ENPEP: variants seen among roughly 807,000 people sequenced by gnomAD.
ENPEP encodes the protein glutamyl aminopeptidase, also known as AP-A.
Under a neutral mutation model 114.5 loss-of-function variants are expected in ENPEP, and 103 were observed. The observed-to-expected ratio is 0.90, with a 90% confidence interval of 0.77 to 1.06. The LOEUF (loss-of-function observed/expected upper bound fraction) is 1.06, where lower values mean the gene tolerates loss of function less well. ENPEP is among the 50% of genes least tolerant of loss of function. ENPEP has a pLI of 0.00. For missense variants in ENPEP, 1,196 were observed against 1,161.3 expected (o/e 1.03, Z -0.43); for synonymous variants, 420 against 422.0 (o/e 1.00, Z 0.06).
intron 8 of ENPEP, among the ~76,000 whole-genome samples, chr4:110,519,792 GA>G (rs1005208836): frequency 7.9e-5 from 12 of 151,812 alleles, no homozygotes; most frequent in Non-Finnish European, 1.3e-4. Context: ...TTAAATAGTT[GA>G]AAAAAATCAA....
chr4:110,541,244 T>C (rs771933589), intron 11 of ENPEP, among the ~76,000 whole-genome samples: 4 of 152,088 alleles, frequency 2.6e-5, no homozygotes, highest in Non-Finnish European at 5.9e-5. Context: ...ACTCATATAT[T>C]ATGAAAAACT....
intron 1 of ENPEP, among the ~76,000 whole-genome samples, chr4:110,481,046 A>G (rs962144770): frequency 7.2e-5 from 11 of 152,096 alleles, no homozygotes; most frequent in Admixed American, 7.2e-4. Flanking sequence ...TCTCTCCAAG[A>G]TTTGGCTTTT....
At chr4:110,513,772 T>C (rs757820149) in intron 7 of ENPEP, among the ~76,000 whole-genome samples, 1 of 152,304 alleles carries the variant, frequency 6.6e-6, no homozygotes, top group South Asian at 2.1e-4. Context: ...GAATTTCTCT[T>C]TACACATTTG....
intron 13 of ENPEP, among the ~76,000 whole-genome samples, chr4:110,544,299 T>A (rs74411670): frequency 0.023 from 3,497 of 152,130 alleles, 75 homozygotes; most frequent in East Asian, 0.083. Context: ...CTTAAAAGAT[T>A]ATCTGGCATG....
At chr4:110,512,850 A>T (rs1435932327) in intron 6 of ENPEP, 1 of 152,242 alleles carries the variant, frequency 6.6e-6, no homozygotes, top group Non-Finnish European at 1.5e-5. Flanking sequence ...TGAACCAAGG[A>T]AATCTGACAG....
intron 1 of ENPEP, among the ~76,000 whole-genome samples, chr4:110,479,248 T>G (rs1270705763): frequency 1.3e-5 from 2 of 152,174 alleles, no homozygotes; most frequent in Non-Finnish European, 2.9e-5. Flanking sequence ...CCACAAATGA[T>G]TCGATGGATA....
intron 11 of ENPEP, among the ~76,000 whole-genome samples, chr4:110,537,628 A>G (rs1726687448): frequency 2.6e-5 from 4 of 152,150 alleles, no homozygotes; most frequent in Admixed American, 2.6e-4. Flanking sequence ...TGATATTTTG[A>G]CCTCCTCTTA....
At chr4:110,497,047 T>A (rs1724969512) in intron 3 of ENPEP, among the ~76,000 whole-genome samples, 1 of 152,210 alleles carries the variant, frequency 6.6e-6, no homozygotes, top group Non-Finnish European at 1.5e-5. Context: ...ACCACAGTGA[T>A]TAATAAATAT....
At chr4:110,539,640 T>C (rs1011820167) in intron 11 of ENPEP, among the ~76,000 whole-genome samples, 1 of 152,146 alleles carries the variant, frequency 6.6e-6, no homozygotes, top group African/African-American at 2.4e-5. Flanking sequence ...TCCTCCTATC[T>C]TGGCCTCCCA....
At chr4:110,503,454 A>G (rs974399762) in intron 3 of ENPEP, among the ~76,000 whole-genome samples, 5 of 152,050 alleles carry the variant, frequency 3.3e-5, no homozygotes, top group Middle Eastern at 3.2e-3. Flanking sequence ...TGTAATCCTT[A>G]GTTTCCTTGG....
intron 1 of ENPEP, 85 bp from the exon 2 acceptor site, chr4:110,488,456 A>G: frequency 1.4e-6 from 2 of 1,396,008 alleles, no homozygotes; most frequent in Non-Finnish European, 1.9e-6. Flanking sequence ...TGCATAGCTG[A>G]TTTTTTTTTC....
Position 110,513,531 on chromosome 4 carries a change from T to C in ENPEP, c.1425T>C (p.Asp475=). The change falls in exon 7 of 20, where the codon GAT becomes GAC. Residue 475 remains aspartate (D), a synonymous_variant. Coordinates refer to ENST00000265162, the MANE Select transcript of ENPEP (RefSeq NM_001977.4). ...TTPDEITSVF[D]GISYSKGSSI... ...CTGATGAAATAACATCTGTTTTTGA[T>C]GGAATATCCTATAGCAAGGTGGGAG... The C allele has an allele frequency of 1.2e-6, 2 of 1,613,130 alleles. No individual in the cohort carries two copies. Among genetic ancestry groups the C allele is most frequent in the South Asian group, 1.1e-5 (1 of 90,944 alleles).
chr4:110,492,714 G>A (rs957726712), intron 3 of ENPEP, among the ~76,000 whole-genome samples: 1 of 152,180 alleles, frequency 6.6e-6, no homozygotes, highest in African/African-American at 2.4e-5. Flanking sequence ...GAAATAGGAA[G>A]TTGTTTTTTC....
At chr4:110,514,465 C>T (rs1341385394) in intron 7 of ENPEP, among the ~76,000 whole-genome samples, 1 of 151,860 alleles carries the variant, frequency 6.6e-6, no homozygotes, top group African/African-American at 2.4e-5. Flanking sequence ...ATGAATGATT[C>T]CTTTTATCTT....
intron 18 of ENPEP, among the ~76,000 whole-genome samples, chr4:110,558,047 TGTATAAAACTC>T (rs1560572409): frequency 1.0e-4 from 15 of 146,736 alleles, no homozygotes; most frequent in East Asian, 2.0e-4. Flanking sequence ...TTTTTTTTTT[TGTATAAAACTC>T]TTTTGTTACC....
In ENPEP at chr4:110,523,736, AAAAG is replaced by A. The variant is rs67426170; in HGVS notation, c.1727+3371_1727+3374del. 7.4e-3 allele frequency among the ~76,000 whole-genome samples: 1,129 copies of A among 152,328 alleles called. 4 individuals are homozygous for A. The highest frequency in any genetic ancestry group is 0.014 in the Non-Finnish European group (925 of 68,026). ...GTAACAAGAAAAATCAACTGACAAAAAAAGGACATGGAAGAGGGAGAAAAGGTGG... is the reference window on the plus strand; with the variant it reads ...GTAACAAGAAAAATCAACTGACAAAAGACATGGAAGAGGGAGAAAAGGTGG... On this transcript the variant is annotated intron_variant, in intron 10 of 19. Coordinates refer to ENST00000265162, the MANE Select transcript of ENPEP (RefSeq NM_001977.4).
At position 110,549,861 on chromosome 4, in the gene ENPEP, G is replaced by A; in HGVS notation, c.2476G>A (p.Val826Met). 1.2e-6 allele frequency: 2 copies of A among 1,611,222 alleles called. No individual in the cohort carries two copies. The highest frequency in any genetic ancestry group is 1.7e-6 in the Non-Finnish European group (2 of 1,178,942). Residue 826 changes from valine to methionine, a missense_variant, in exon 17 of 20, where the codon GTG becomes ATG. Transcript: ENST00000265162. Reference sequence around the variant, plus strand: ...AAAACTGCTGTATGGATTAGCATCAGTGAAGAACGTTACTCTTTTGTCAAG... The same window carrying A: ...AAAACTGCTGTATGGATTAGCATCAATGAAGAACGTTACTCTTTTGTCAAG... ...KEKLLYGLAS[V>M]KNVTLLSRYL... is the part of the protein sequence containing the mutation.
intron 3 of ENPEP, among the ~76,000 whole-genome samples, chr4:110,492,881 C>T (rs1453426335): frequency 1.3e-5 from 2 of 152,162 alleles, no homozygotes; most frequent in Non-Finnish European, 2.9e-5. Context: ...GCATGACTGT[C>T]TTTCATCATG....
At chr4:110,520,989 A>T (rs921140273) in intron 10 of ENPEP, among the ~76,000 whole-genome samples, 3 of 152,192 alleles carry the variant, frequency 2.0e-5, no homozygotes, top group Non-Finnish European at 4.4e-5. Flanking sequence ...AATTGACTAA[A>T]ACAGTAGAGG....
Sources: allele counts gnomAD v4.1 joint callset (sites outside exome capture counted in the v4.1 genomes callset), GRCh38; gene constraint gnomAD v4.1.1; transcripts MANE v1.5; gene names NCBI Gene and HGNC (gene_info 2026-07-23, HGNC 2026-07-21).